PDE1A: variants seen among roughly 807,000 people sequenced by gnomAD.
The protein encoded by PDE1A is dual specificity calcium/calmodulin-dependent 3',5'-cyclic nucleotide phosphodiesterase 1A.
Under a neutral mutation model 61.7 loss-of-function variants are expected in PDE1A, and 35 were observed. That is an observed-to-expected ratio of 0.57 (90% CI 0.43 to 0.75). The LOEUF (loss-of-function observed/expected upper bound fraction) is 0.75. Ranked by LOEUF, PDE1A falls within the 30% of genes least tolerant of loss-of-function variation. The pLI, the probability that PDE1A is intolerant of heterozygous loss-of-function variation, is 0.00. For synonymous variants in PDE1A, 232 were observed against 213.2 expected, an observed-to-expected ratio of 1.09 and a Z score of -0.77; for missense variants, 597 against 630.6, an observed-to-expected ratio of 0.95 and a Z score of 0.57.
the PDE1A span, among the ~76,000 whole-genome samples, chr2:182,553,584 A>G: frequency 1.3e-5 from 2 of 152,322 alleles, no homozygotes; most frequent in Admixed American, 1.3e-4. Context: ...GCTAACTCAT[A>G]GTTGGGAGCA....
At chr2:182,587,775 T>A in the PDE1A span, among the ~76,000 whole-genome samples, 1 of 152,182 alleles carries the variant, frequency 6.6e-6, no homozygotes, top group African/African-American at 2.4e-5. Flanking sequence ...ACTCAATTTT[T>A]AAAAAATTAA....
chr2:182,244,664 G>C (rs575490402), intron 2 of PDE1A, among the ~76,000 whole-genome samples: 2 of 151,916 alleles, frequency 1.3e-5, no homozygotes, highest in Non-Finnish European at 2.9e-5. Context: ...CTCTGGCATG[G>C]GTTCTTTGTC....
chr2:182,194,160 G>A (rs1685941231), intron 10 of PDE1A, among the ~76,000 whole-genome samples: 1 of 151,890 alleles, frequency 6.6e-6, no homozygotes, highest in African/African-American at 2.4e-5. Context: ...TTCAAATATA[G>A]ATTTTTTTCA....
At chr2:182,416,971 G>T (rs909637063) in intron 1 of PDE1A, among the ~76,000 whole-genome samples, 3 of 152,194 alleles carry the variant, frequency 2.0e-5, no homozygotes, top group African/African-American at 4.8e-5. Context: ...GAAATGCTGA[G>T]CTCAAGATTC....
intron 1 of PDE1A, among the ~76,000 whole-genome samples, chr2:182,411,098 C>T (rs1218277549): frequency 6.6e-6 from 1 of 152,204 alleles, no homozygotes; most frequent in Non-Finnish European, 1.5e-5. Flanking sequence ...ACAGAATGTT[C>T]GTTGCCAACA....
chr2:182,502,822 TA>T (rs111437353), intron 2 of PDE1A, among the ~76,000 whole-genome samples: 8,532 of 152,198 alleles, frequency 0.056, 269 homozygotes, highest in Middle Eastern at 0.099. Flanking sequence ...AGTGAATACT[TA>T]TATGTTTTGT....
At chr2:182,308,681 T>C (rs534912355) in intron 1 of PDE1A, among the ~76,000 whole-genome samples, 1 of 152,230 alleles carries the variant, frequency 6.6e-6, no homozygotes, top group South Asian at 2.1e-4. Flanking sequence ...TTCACTTTCA[T>C]CCAATTGTAT....
the PDE1A span, among the ~76,000 whole-genome samples, chr2:182,602,163 T>C: frequency 6.6e-6 from 1 of 152,236 alleles, no homozygotes; most frequent in South Asian, 2.1e-4. Context: ...TTTCTGAGCC[T>C]ATGAAGGCAG....
At chr2:182,664,606 G>A in the PDE1A span, among the ~76,000 whole-genome samples, 1 of 152,156 alleles carries the variant, frequency 6.6e-6, no homozygotes, top group Non-Finnish European at 1.5e-5. Flanking sequence ...ACAGAATAGT[G>A]GTTCCTTTGG....
intron 2 of PDE1A, among the ~76,000 whole-genome samples, chr2:182,455,095 A>G (rs994485750): frequency 3.3e-5 from 5 of 151,890 alleles, no homozygotes; most frequent in Non-Finnish European, 7.4e-5. Context: ...ATGTGGGCAA[A>G]GGTTATGAAC....
intron 1 of PDE1A, among the ~76,000 whole-genome samples, chr2:182,323,748 C>A (rs765881154): frequency 6.6e-6 from 1 of 152,170 alleles, no homozygotes; most frequent in Non-Finnish European, 1.5e-5. Flanking sequence ...GATAGTAACG[C>A]AAGTATTACA....
chr2:182,385,808 T>G (rs1574512834), intron 1 of PDE1A, among the ~76,000 whole-genome samples: 1 of 31,276 alleles, frequency 3.2e-5, no homozygotes, highest in Admixed American at 4.3e-4. Context: ...TCCCTCTCCC[T>G]CCTCTCCCTC....
intron 2 of PDE1A, among the ~76,000 whole-genome samples, chr2:182,453,500 T>C (rs924722263): frequency 3.3e-5 from 5 of 151,926 alleles, no homozygotes; most frequent in Admixed American, 2.0e-4. Flanking sequence ...TTGATGAACA[T>C]TGATGCAAAA....
chr2:182,391,227 A>T (rs976162033), intron 1 of PDE1A, among the ~76,000 whole-genome samples: 1 of 152,208 alleles, frequency 6.6e-6, no homozygotes, highest in African/African-American at 2.4e-5. Flanking sequence ...TCCGCATTTA[A>T]CGTTGCAGCT....
chr2:182,716,204 C>T, the PDE1A span: 1 of 152,410 alleles, frequency 6.6e-6, no homozygotes. Context: ...CAGCGGGTCT[C>T]CCCAGGCAGC....
chr2:182,557,594 C>T, the PDE1A span, among the ~76,000 whole-genome samples: 2 of 152,040 alleles, frequency 1.3e-5, no homozygotes, highest in Admixed American at 1.3e-4. Context: ...CACTGGTAGT[C>T]CCAGCTACTT....
At chr2:182,559,839 A>T in the PDE1A span, among the ~76,000 whole-genome samples, 1 of 152,192 alleles carries the variant, frequency 6.6e-6, no homozygotes, top group African/African-American at 2.4e-5. Flanking sequence ...TGACTCGCAC[A>T]AGTATCATCG....
chr2:182,245,655 A>G (rs1690888273), intron 2 of PDE1A, among the ~76,000 whole-genome samples: 1 of 152,028 alleles, frequency 6.6e-6, no homozygotes, highest in African/African-American at 2.4e-5. Flanking sequence ...GGTAATATGC[A>G]TTTTTCTCCA....
At chr2:182,707,468 C>T in the PDE1A span, among the ~76,000 whole-genome samples, 295 of 152,128 alleles carry the variant, frequency 1.9e-3, 1 homozygote, top group African/African-American at 6.8e-3. Context: ...CTACAGATTC[C>T]CCAGATGCTA....
Sources: gnomAD v4.1 joint callset for allele counts (sites outside exome capture counted in the v4.1 genomes callset) on GRCh38, gnomAD v4.1.1 for gene constraint, MANE v1.5 for transcripts, NCBI Gene and HGNC (gene_info 2026-07-23, HGNC 2026-07-21) for gene names.